The following ZNF558 variants were observed in gnomAD, a reference collection of about 807,000 sequenced individuals.
ZNF558 encodes the protein zinc finger protein 558.
Under a neutral mutation model 37.6 loss-of-function variants are expected in ZNF558, and 23 were observed. The ratio of observed to expected loss-of-function variants is 0.61; its 90% CI spans 0.44 to 0.87. The LOEUF (loss-of-function observed/expected upper bound fraction) is 0.87. ZNF558 is among the 40% of genes least tolerant of loss of function. ZNF558 has a pLI of 0.00. For synonymous variants in ZNF558, 189 were observed against 174.4 expected (o/e 1.08, Z -0.66); for missense variants, 429 against 483.7 (o/e 0.89, Z 1.06).
chr19:8,818,208 C>T (rs968601310), intron 7 of ZNF558, among the ~76,000 whole-genome samples: 2 of 152,142 alleles, frequency 1.3e-5, no homozygotes, highest in African/African-American at 4.8e-5. Context: ...AATCCCAGCA[C>T]TTTGGGAGGT....
rs1555768755 is a variant in ZNF558 at position 8,812,629 on chromosome 19, G to A, written c.358C>T (p.Leu120Phe). ...PSTCPDLETL[L>F]KAKWLTPKKN... ...TTAGGAGTTAACCATTTGGCTTTAA[G>A]TAGAGTCTCCAAATCTGAAACAAAT... The change falls in exon 9 of 10, where the codon CTT becomes TTT. Residue 120 changes from leucine (L) to phenylalanine (F), a missense_variant. Leu to Phe is a conservative substitution (Grantham distance 22, BLOSUM62 0). Transcript: ENST00000601372. The A allele has an allele frequency of 6.2e-7, 1 of 1,601,310 alleles. No individual in the cohort carries two copies. Among genetic ancestry groups the A allele is most frequent in the Non-Finnish European group, 8.5e-7 (1 of 1,176,370 alleles).
rs535291268 is a variant in ZNF558, at chr19:8,812,609, A to G, written c.378T>C (p.Thr126=). ...CTTTTCTGAAAACATTCTTCTTAGG[A>G]GTTAACCATTTGGCTTTAAGTAGAG... is the stretch of plus-strand genomic sequence containing the variant. The part of the protein sequence containing the change: ...LETLLKAKWL[T]PKKNVFRKEQ... The change falls in exon 9 of 10, where the codon ACT becomes ACC. Residue 126 remains threonine, a synonymous_variant. Transcript: ENST00000601372. The G allele has an allele frequency of 1.6e-5, 26 of 1,604,512 alleles. No homozygotes were observed. The highest frequency in any genetic ancestry group is 2.1e-5 in the Non-Finnish European group (25 of 1,177,750).
chr19:8,823,617 C>G (rs1376764400), intron 4 of ZNF558: 1 of 145,326 alleles, frequency 6.9e-6, no homozygotes, highest in Non-Finnish European at 1.5e-5. Context: ...CAGTCAGCCC[C>G]TCTCCTACCT....
upstream of ZNF558, among the ~76,000 whole-genome samples, chr19:8,834,781 A>G (rs1191627608): frequency 6.6e-6 from 1 of 152,186 alleles, no homozygotes; most frequent in Non-Finnish European, 1.5e-5. Context: ...CTTGGAAGAA[A>G]ACATAGGTGT....
intron 7 of ZNF558, among the ~76,000 whole-genome samples, chr19:8,815,976 G>T (rs528778920): frequency 6.6e-6 from 1 of 152,164 alleles, no homozygotes; most frequent in Non-Finnish European, 1.5e-5. Flanking sequence ...AAAATTTGAT[G>T]AAAGGCACAA....
rs1038560668 is a variant in ZNF558, at chr19:8,808,741, A to C, written c.*2540T>G. On this transcript the variant is annotated 3_prime_UTR_variant, in exon 10 of 10. Transcript: ENST00000601372. The stretch of plus-strand genomic sequence containing the variant: ...CCACCTCAAAAACAAACAACAGATC[A>C]TGTTGGCTTCAATCAGTTAGGGGTT... 2 of 152,158 alleles carry C rather than the reference A, an allele frequency of 1.3e-5. No homozygotes were observed. The highest frequency in any genetic ancestry group is 2.9e-5 in the Non-Finnish European group (2 of 68,016). The allele number at this position is 152,158 out of a possible 1,614,324, so 9.4% of individuals were successfully genotyped here. A position where few individuals can be genotyped will look rare whatever the true frequency, so the allele number is the denominator to read the frequency against.
intron 7 of ZNF558, among the ~76,000 whole-genome samples, chr19:8,818,355 C>G (rs2910346): frequency 0.93 from 141,156 of 152,156 alleles, 65,544 homozygotes; most frequent in African/African-American, 0.98. Context: ...GGGAGGCTGA[C>G]GCAGGAGAAT....
At position 8,813,171 on chromosome 19, in the gene ZNF558, T is replaced by A; in HGVS notation, c.299A>T (p.Lys100Met). 1 of 1,600,230 alleles carries A rather than the reference T, an allele frequency of 6.2e-7. No homozygotes were observed. The highest frequency in any genetic ancestry group is 1.1e-5 in the South Asian group (1 of 88,288). Residue 100 changes from lysine (K) to methionine (M), a missense_variant, in exon 8 of 10, where the codon AAG becomes ATG. By Grantham distance (95) the Lys-to-Met change is moderately conservative. Transcript: ENST00000601372. ...SLISQLEQDKKVVTEERGILP... is the reference protein window; with the variant it reads ...SLISQLEQDKMVVTEERGILP... ...AATTCCTCTTTCCTCTGTCACCACC[T>A]TCTTGTCTTGTTCCAACTGGGATAT...
intron 7 of ZNF558, among the ~76,000 whole-genome samples, chr19:8,818,310 G>C (rs1284876890): frequency 2.0e-5 from 3 of 152,044 alleles, no homozygotes; most frequent in Admixed American, 1.3e-4. Flanking sequence ...AAATTAGCTG[G>C]GCGTGGTGGT....
At chr19:8,821,742 T>G in intron 6 of ZNF558, 2 of 1,331,262 alleles carry the variant, frequency 1.5e-6, no homozygotes, top group Non-Finnish European at 1.9e-6. Context: ...TAGAACATCA[T>G]CACGTCTTTA....
chr19:8,814,001 G>A (rs1484165026), intron 7 of ZNF558, among the ~76,000 whole-genome samples: 1 of 152,220 alleles, frequency 6.6e-6, no homozygotes, highest in Admixed American at 6.5e-5. Context: ...AGTGACAGTG[G>A]TGGAGGACGG....
At chr19:8,820,833 T>A (rs941382000) in intron 7 of ZNF558, among the ~76,000 whole-genome samples, 1 of 152,186 alleles carries the variant, frequency 6.6e-6, no homozygotes, top group Non-Finnish European at 1.5e-5. Context: ...AAAGGTAATG[T>A]ATTTTGTAAT....
At chr19:8,812,788 A>G in intron 8 of ZNF558, 145 bp from the exon 9 acceptor site, 1 of 558,346 alleles carries the variant, frequency 1.8e-6, no homozygotes, top group South Asian at 2.9e-5. Context: ...TTAGGTATTA[A>G]TTTTAAAAAA....
intron 7 of ZNF558, among the ~76,000 whole-genome samples, chr19:8,816,323 A>G (rs2043938824): frequency 6.6e-6 from 1 of 152,162 alleles, no homozygotes; most frequent in South Asian, 2.1e-4. Context: ...TCAGCCTCCC[A>G]AAGTGTTGGG....
Position 8,811,896 on chromosome 19 carries a change from A to G in ZNF558, c.594T>C (p.His198=). Residue 198 remains histidine, a synonymous_variant, in exon 10 of 10, where the codon CAT becomes CAC. Transcript: ENST00000601372. ...GTTTCTCCCCATTATGGATTCTCTT[A>G]TGAATAGTAAGGTAAGATCTGCTAC... The part of the protein sequence containing the change: ...SFSSRSYLTI[H]KRIHNGEKPY... 2 of 1,614,030 alleles carry G rather than the reference A, an allele frequency of 1.2e-6. No homozygotes were observed. The highest frequency in any genetic ancestry group is 2.2e-5 in the South Asian group (2 of 91,074).
rs1190277880 is a variant in ZNF558, at chr19:8,813,366, T to G, written c.248-144A>C. On this transcript the variant is annotated intron_variant, in intron 7 of 9. Coordinates refer to ENST00000601372, the MANE Select transcript of ZNF558 (RefSeq NM_144693.3). ...TTATGCCTTAATTCTTTTCTTTTTT[T>G]TATTTATTTTGAGATGGAGTCTTGC... 7.6e-6 allele frequency: 5 copies of G among 655,014 alleles called. No individual in the cohort carries two copies. The African/African-American group carries it at 9.2e-5, about 12-fold the overall frequency. 40.6% of individuals were successfully genotyped at this position (655,014 alleles called of 1,614,324 possible).
At chr19:8,819,305 C>T (rs942768365) in intron 7 of ZNF558, among the ~76,000 whole-genome samples, 3 of 152,106 alleles carry the variant, frequency 2.0e-5, no homozygotes, top group Admixed American at 6.5e-5. Context: ...CTCAGCCTCC[C>T]GAGTAGGTGG....
At chr19:8,834,236 A>G (rs887841696), upstream of ZNF558, among the ~76,000 whole-genome samples, 1 of 152,228 alleles carries the variant, frequency 6.6e-6, no homozygotes, top group Non-Finnish European at 1.5e-5. Context: ...TTCAAAATTC[A>G]ATATACTAGG....
rs2043776738 is a variant in ZNF558 at position 8,811,169 on chromosome 19, G to C, written c.*112C>G. On this transcript the variant is annotated 3_prime_UTR_variant, in exon 10 of 10. Transcript: ENST00000601372. ...TGTTTGAAGCCACAAAATTTGCGGGGATCATTTGTTATGCTGCAACAAATA... is the reference window on the plus strand; with the variant it reads ...TGTTTGAAGCCACAAAATTTGCGGGCATCATTTGTTATGCTGCAACAAATA... 8.3e-7 allele frequency: 1 copy of C among 1,199,162 alleles called. No homozygotes were observed. Among genetic ancestry groups the C allele is most frequent in the South Asian group, 1.7e-5 (1 of 58,340 alleles). The allele number at this position is 1,199,162 out of a possible 1,614,324, so 74.3% of individuals were successfully genotyped here.
Sources: gnomAD v4.1 joint callset for allele counts (sites outside exome capture counted in the v4.1 genomes callset) on GRCh38, gnomAD v4.1.1 for gene constraint, MANE v1.5 for transcripts, NCBI Gene and HGNC (gene_info 2026-07-23, HGNC 2026-07-21) for gene names.